The following FAM120A variants were observed in gnomAD, a reference collection of about 807,000 sequenced individuals.
FAM120A encodes constitutive coactivator of PPAR-gamma-like protein 1.
In FAM120A, 15 loss-of-function variants were observed where a neutral mutation model predicts 109.7. The ratio of observed to expected loss-of-function variants is 0.14; its 90% confidence interval spans 0.09 to 0.21. The LOEUF is 0.21. FAM120A is among the 10% of genes least tolerant of loss of function. The pLI is 1.00. For synonymous variants in FAM120A, 493 were observed against 572.8 expected, an observed-to-expected ratio of 0.86 and a Z score of 1.99; for missense variants, 899 against 1,439.3, an observed-to-expected ratio of 0.62 and a Z score of 6.07.
intron 1 of FAM120A, among the ~76,000 whole-genome samples, chr9:93,459,908 A>G (rs577518717): frequency 3.3e-5 from 5 of 152,354 alleles, no homozygotes; most frequent in Admixed American, 1.3e-4. Flanking sequence ...AAATCAAAGA[A>G]TTATAAGCTT....
At chr9:93,478,485 GT>G (rs1858644644) in intron 3 of FAM120A, among the ~76,000 whole-genome samples, 1 of 151,962 alleles carries the variant, frequency 6.6e-6, no homozygotes, top group African/African-American at 2.4e-5. Context: ...CCACTTTAAT[GT>G]TTTTATTTGA....
At chr9:93,478,541 A>G (rs1858648211) in intron 3 of FAM120A, among the ~76,000 whole-genome samples, 1 of 150,658 alleles carries the variant, frequency 6.6e-6, no homozygotes, top group Non-Finnish European at 1.5e-5. Context: ...CAGGGGTGAG[A>G]TCTCGGCTCA....
intron 5 of FAM120A, among the ~76,000 whole-genome samples, chr9:93,502,452 A>G (rs911403481): frequency 6.6e-6 from 1 of 152,028 alleles, no homozygotes; most frequent in Non-Finnish European, 1.5e-5. Flanking sequence ...AGGAACCACA[A>G]CTCATCCTCT....
chr9:93,556,824 C>T (rs559449128), intron 13 of FAM120A, among the ~76,000 whole-genome samples: 47 of 152,278 alleles, frequency 3.1e-4, no homozygotes, highest in Non-Finnish European at 5.7e-4. Flanking sequence ...TCACCTTGAA[C>T]GCCAAATTAG....
At chr9:93,554,744 G>C (rs1295053202) in intron 12 of FAM120A, among the ~76,000 whole-genome samples, 1 of 152,202 alleles carries the variant, frequency 6.6e-6, no homozygotes, top group East Asian at 1.9e-4. Flanking sequence ...GTGGCATTTT[G>C]TGTTTTAACA....
chr9:93,553,629 A>C (rs1862180879), intron 12 of FAM120A, among the ~76,000 whole-genome samples: 1 of 152,202 alleles, frequency 6.6e-6, no homozygotes, highest in Admixed American at 6.5e-5. Context: ...ATGATATTGA[A>C]TATTTTATCT....
At chr9:93,476,398 C>T (rs1230423698) in intron 3 of FAM120A, 60 bp downstream of exon 3, 4 of 1,139,436 alleles carry the variant, frequency 3.5e-6, no homozygotes, top group East Asian at 2.4e-5. Context: ...TTTGCTATTA[C>T]TTTAATAACA....
chr9:93,491,480 C>T (rs1241295903), intron 3 of FAM120A, among the ~76,000 whole-genome samples: 5 of 152,056 alleles, frequency 3.3e-5, no homozygotes, highest in Admixed American at 2.6e-4. Flanking sequence ...GGAAAGATGA[C>T]GCTAAAAGTG....
At chr9:93,458,058 A>G (rs146664880) in intron 1 of FAM120A, among the ~76,000 whole-genome samples, 1,874 of 152,280 alleles carry the variant, frequency 0.012, 17 homozygotes, top group Middle Eastern at 0.037. Flanking sequence ...TCCAAGGCAC[A>G]GCCTCACTGT....
intron 16 of FAM120A, 142 bp downstream of exon 16, chr9:93,561,392 GTT>G: frequency 1.2e-6 from 1 of 801,576 alleles, no homozygotes; most frequent in Non-Finnish European, 1.9e-6. Context: ...TAATTATTTA[GTT>G]TTTATTTATT....
At chr9:93,516,368 G>A in intron 7 of FAM120A, 99 bp downstream of exon 7, 3 of 1,538,598 alleles carry the variant, frequency 1.9e-6, no homozygotes, top group South Asian at 2.5e-5. Flanking sequence ...GCTCAGAGAT[G>A]TAGTTTATTG....
chr9:93,509,384 G>A (rs562667372), intron 5 of FAM120A, among the ~76,000 whole-genome samples: 16 of 152,234 alleles, frequency 1.1e-4, no homozygotes, highest in Admixed American at 3.3e-4. Context: ...GCTATGAGCC[G>A]TAAGTGGGGC....
chr9:93,459,716 G>A (rs963600899), intron 1 of FAM120A, among the ~76,000 whole-genome samples: 8 of 147,182 alleles, frequency 5.4e-5, no homozygotes, highest in Non-Finnish European at 8.9e-5. Context: ...GGGGACATTT[G>A]GCAGTGCCTG....
chr9:93,529,641 T>A (rs1469241201), intron 9 of FAM120A, 61 bp downstream of exon 9: 4 of 1,457,448 alleles, frequency 2.7e-6, no homozygotes, highest in Non-Finnish European at 3.8e-6. Flanking sequence ...TTCCTATGGG[T>A]GTTTTGTCCT....
chr9:93,488,965 ACT>A (rs1859192120), intron 3 of FAM120A, among the ~76,000 whole-genome samples: 1 of 149,742 alleles, frequency 6.7e-6, no homozygotes, highest in Admixed American at 6.8e-5. Flanking sequence ...TTTCTCAGTG[ACT>A]CTCTTCATCT....
chr9:93,554,063 T>C (rs888554983), intron 12 of FAM120A, among the ~76,000 whole-genome samples: 8 of 148,908 alleles, frequency 5.4e-5, no homozygotes, highest in African/African-American at 2.0e-4. Flanking sequence ...CTTGAAACTA[T>C]AAATAACATT....
At chr9:93,484,507 C>T (rs185743772) in intron 3 of FAM120A, among the ~76,000 whole-genome samples, 16 of 152,284 alleles carry the variant, frequency 1.1e-4, no homozygotes, top group Non-Finnish European at 4.4e-5. Context: ...TACGGTATCT[C>T]TGGGAGAGAA....
intron 3 of FAM120A, among the ~76,000 whole-genome samples, chr9:93,480,576 A>G (rs1249433638): frequency 6.6e-6 from 1 of 152,022 alleles, no homozygotes; most frequent in African/African-American, 2.4e-5. Flanking sequence ...ACTCTGTTTG[A>G]TTGGAAACAT....
At chr9:93,527,018 A>AT in intron 7 of FAM120A, 137 bp from the exon 8 acceptor site, 5 of 665,940 alleles carry the variant, frequency 7.5e-6, no homozygotes, top group Non-Finnish European at 1.3e-5. Flanking sequence ...TTAGTATAAT[A>AT]GAGTTATTTC....
Sources: gnomAD v4.1 joint callset for allele counts (sites outside exome capture counted in the v4.1 genomes callset) on GRCh38, gnomAD v4.1.1 for gene constraint, MANE v1.5 for transcripts, NCBI Gene and HGNC (gene_info 2026-07-23, HGNC 2026-07-21) for gene names.